PTPRD: variants seen among roughly 807,000 people sequenced by gnomAD.
PTPRD encodes the protein receptor-type tyrosine-protein phosphatase delta.
Under a neutral mutation model 214.5 loss-of-function variants are expected in PTPRD, and 34 were observed. The observed-to-expected ratio is 0.16, with a 90% confidence interval of 0.12 to 0.21. The LOEUF (loss-of-function observed/expected upper bound fraction) is 0.21. Among genes scored for constraint, PTPRD ranks in the 10% least tolerant of loss-of-function variants. The pLI is 1.00. For synonymous variants in PTPRD, 1,128 were observed against 845.7 expected (o/e 1.33, Z -5.79); for missense variants, 2,545 against 2,398.7 (o/e 1.06, Z -1.27).
At chr9:9,930,109 C>G (rs139450593) in intron 5 of PTPRD, among the ~76,000 whole-genome samples, 1 of 152,158 alleles carries the variant, frequency 6.6e-6, no homozygotes, top group South Asian at 2.1e-4. Context: ...GGGCTGGGAG[C>G]TCCAGGAGTA....
chr9:8,641,458 C>T (rs1174283900), intron 12 of PTPRD, among the ~76,000 whole-genome samples: 1 of 148,516 alleles, frequency 6.7e-6, no homozygotes, highest in Non-Finnish European at 1.5e-5. Flanking sequence ...TTGCAAAATG[C>T]ATTTGTGCTC....
rs570060331 is a variant in PTPRD at position 9,285,399 on chromosome 9, T to A, written c.-202-102036A>T. 2.4e-4 allele frequency among the ~76,000 whole-genome samples: 36 copies of A among 151,920 alleles called. 2 individuals are homozygous for A. The highest frequency in any genetic ancestry group is 2.3e-3 in the Admixed American group (35 of 15,198). On this transcript the variant is annotated intron_variant, in intron 9 of 45. Transcript: ENST00000381196. The stretch of plus-strand genomic sequence containing the variant: ...TAAAGAATGATAAAGACTCATCTAT[T>A]CTAAAATTTTTTTTCTCAAACTATC...
chr9:10,133,821 G>A (rs1433551869), intron 3 of PTPRD, among the ~76,000 whole-genome samples: 1 of 152,120 alleles, frequency 6.6e-6, no homozygotes, highest in African/African-American at 2.4e-5. Context: ...GATCTGGAAA[G>A]ATAGTACTTG....
At position 8,485,373 on chromosome 9, in the gene PTPRD, G is replaced by A. The variant is rs563235160; in HGVS notation, c.3056-49C>T. ...TATTTAAACTATTCTTAAAACAGATGACCTGTCCTTTCCACCATGGACCAT... is the reference window on the plus strand; with the variant it reads ...TATTTAAACTATTCTTAAAACAGATAACCTGTCCTTTCCACCATGGACCAT... On this transcript the variant is annotated intron_variant, in intron 28 of 45. Coordinates refer to ENST00000381196, the MANE Select transcript of PTPRD (RefSeq NM_002839.4). 6.7e-6 allele frequency: 9 copies of A among 1,338,720 alleles called. No homozygotes were observed. In the African/African-American group the frequency reaches 1.0e-4, roughly 15 times the overall value. 82.9% of individuals were successfully genotyped at this position (1,338,720 alleles called of 1,614,324 possible). A position where few individuals can be genotyped will look rare whatever the true frequency, so the allele number is the denominator to read the frequency against.
At chr9:9,328,614 CTTGCTTTTTTTTTTT>C (rs1569567411) in intron 9 of PTPRD, among the ~76,000 whole-genome samples, 2 of 39,076 alleles carry the variant, frequency 5.1e-5, no homozygotes, top group African/African-American at 1.5e-4. Flanking sequence ...TGTTGTTGTT[CTTGCTTTTTTTTTTT>C]TTTTTTTTTT....
At chr9:9,200,014 C>A (rs2099940942) in intron 9 of PTPRD, among the ~76,000 whole-genome samples, 1 of 152,026 alleles carries the variant, frequency 6.6e-6, no homozygotes, top group Non-Finnish European at 1.5e-5. Context: ...CCAGTGGTGG[C>A]CACAAGATCT....
intron 5 of PTPRD, among the ~76,000 whole-genome samples, chr9:9,873,712 A>G (rs1468717257): frequency 6.6e-6 from 1 of 152,216 alleles, no homozygotes; most frequent in Non-Finnish European, 1.5e-5. Context: ...AACTGAGATA[A>G]TAAATGAGCA....
At chr9:9,324,972 T>C (rs971230536) in intron 9 of PTPRD, among the ~76,000 whole-genome samples, 1 of 152,212 alleles carries the variant, frequency 6.6e-6, no homozygotes, top group Non-Finnish European at 1.5e-5. Flanking sequence ...TTCTTGTTTT[T>C]GTCAGGTTTG....
intron 8 of PTPRD, among the ~76,000 whole-genome samples, chr9:9,504,243 T>C (rs12342674): frequency 0.053 from 8,017 of 151,766 alleles, 289 homozygotes; most frequent in Middle Eastern, 0.11. Context: ...ACTTTCTAAG[T>C]TTTTGCTCTA....
intron 11 of PTPRD, among the ~76,000 whole-genome samples, chr9:8,973,971 G>C (rs2099253923): frequency 1.3e-5 from 2 of 152,024 alleles, no homozygotes; most frequent in Admixed American, 1.3e-4. Context: ...ACCTTTGTCA[G>C]ATTCATTGAA....
At chr9:9,663,213 C>T (rs2096653098) in intron 7 of PTPRD, among the ~76,000 whole-genome samples, 1 of 151,236 alleles carries the variant, frequency 6.6e-6, no homozygotes, top group African/African-American at 2.4e-5. Context: ...TTAATCTCCA[C>T]ATTACTCAGT....
At chr9:9,209,015 T>A (rs144391481) in intron 9 of PTPRD, among the ~76,000 whole-genome samples, 1,892 of 151,894 alleles carry the variant, frequency 0.012, 33 homozygotes, top group African/African-American at 0.041. Flanking sequence ...TCACCATGTT[T>A]GCCAGGATGG....
chr9:9,296,657 G>A (rs1953164910), intron 9 of PTPRD, among the ~76,000 whole-genome samples: 1 of 151,698 alleles, frequency 6.6e-6, no homozygotes, highest in Admixed American at 6.6e-5. Flanking sequence ...GCCTATGTCA[G>A]TTAAGAGAGA....
At chr9:9,334,842 C>G (rs1486345885) in intron 9 of PTPRD, among the ~76,000 whole-genome samples, 1 of 151,688 alleles carries the variant, frequency 6.6e-6, no homozygotes, top group Non-Finnish European at 1.5e-5. Context: ...ACCATTAAGA[C>G]AAGTAAATAG....
At chr9:10,009,395 G>A (rs184122861) in intron 4 of PTPRD, among the ~76,000 whole-genome samples, 2 of 151,972 alleles carry the variant, frequency 1.3e-5, no homozygotes, top group East Asian at 1.9e-4. Context: ...GCACGGGTTC[G>A]GTCCAGAAAG....
intron 8 of PTPRD, among the ~76,000 whole-genome samples, chr9:9,401,735 A>G (rs7869483): frequency 0.88 from 133,224 of 151,900 alleles, 58,569 homozygotes; most frequent in African/African-American, 0.91. Flanking sequence ...GGGACCCAGT[A>G]GGAGGCAATT....
At chr9:10,537,193 G>A (rs763168445) in intron 2 of PTPRD, among the ~76,000 whole-genome samples, 1 of 152,042 alleles carries the variant, frequency 6.6e-6, no homozygotes, top group Non-Finnish European at 1.5e-5. Context: ...GTTTAACAAC[G>A]TATTTCTTAT....
At chr9:10,142,981 T>G (rs185219476) in intron 3 of PTPRD, among the ~76,000 whole-genome samples, 2,505 of 152,072 alleles carry the variant, frequency 0.016, 65 homozygotes, top group African/African-American at 0.057. Flanking sequence ...TGTAGGGACA[T>G]GGATGAAATT....
chr9:9,980,210 T>C (rs1163471821), intron 4 of PTPRD, among the ~76,000 whole-genome samples: 1 of 152,120 alleles, frequency 6.6e-6, no homozygotes, highest in African/African-American at 2.4e-5. Context: ...ATTACCGTAG[T>C]AGAAAGTTAT....
Sources: gnomAD v4.1 joint callset for allele counts (sites outside exome capture counted in the v4.1 genomes callset) on GRCh38, gnomAD v4.1.1 for gene constraint, MANE v1.5 for transcripts, NCBI Gene and HGNC (gene_info 2026-07-23, HGNC 2026-07-21) for gene names.